Variants in DLEU7 observed in about 807,000 individuals in gnomAD.
The protein encoded by DLEU7 is deleted in lymphocytic leukemia 7, also known as leukemia-associated protein 7.
In DLEU7, 17 loss-of-function variants were observed where a neutral mutation model predicts 16.0. The observed-to-expected ratio is 1.06, with a 90% CI of 0.73 to 1.59. The LOEUF (loss-of-function observed/expected upper bound fraction) is 1.59, where lower values mean the gene tolerates loss of function less well. DLEU7 is among the 40% of genes most tolerant of loss of function. DLEU7 has a pLI of 0.00. For missense variants in DLEU7, 308 were observed against 314.9 expected (o/e 0.98, Z 0.17); for synonymous variants, 113 against 139.8 (o/e 0.81, Z 1.35).
intron 1 of DLEU7, among the ~76,000 whole-genome samples, chr13:50,728,893 C>T (rs1252422801): frequency 6.6e-6 from 1 of 152,068 alleles, no homozygotes; most frequent in East Asian, 1.9e-4. Flanking sequence ...ATTCCTTTAC[C>T]ACTGTCTCCC....
chr13:50,739,259 C>T (rs1028314849), intron 1 of DLEU7, among the ~76,000 whole-genome samples: 7 of 152,160 alleles, frequency 4.6e-5, no homozygotes, highest in African/African-American at 1.7e-4. Context: ...CAGAACACAA[C>T]TGTTACTATA....
chr13:50,773,200 G>A (rs1046551965), intron 1 of DLEU7, among the ~76,000 whole-genome samples: 1 of 152,094 alleles, frequency 6.6e-6, no homozygotes, highest in African/African-American at 2.4e-5. Context: ...GCTTCCTTGC[G>A]ATGGGTTCAG....
At chr13:50,727,787 C>A (rs1314702734) in intron 1 of DLEU7, among the ~76,000 whole-genome samples, 1 of 152,220 alleles carries the variant, frequency 6.6e-6, no homozygotes, top group African/African-American at 2.4e-5. Context: ...TCAAGATGTG[C>A]AGAGCTGCAC....
intron 1 of DLEU7, among the ~76,000 whole-genome samples, chr13:50,803,079 A>G (rs1380431348): frequency 6.6e-6 from 1 of 152,224 alleles, no homozygotes; most frequent in Non-Finnish European, 1.5e-5. Context: ...TCATTGGTAC[A>G]TAAATCATTT....
chr13:50,757,554 C>T (rs10507566), intron 1 of DLEU7, among the ~76,000 whole-genome samples: 533 of 152,260 alleles, frequency 3.5e-3, no homozygotes, highest in Non-Finnish European at 6.3e-3. Flanking sequence ...TTTGTAAACT[C>T]GAGCGCTCAC....
chr13:50,757,049 T>G (rs1430307360), intron 1 of DLEU7, among the ~76,000 whole-genome samples: 1 of 152,170 alleles, frequency 6.6e-6, no homozygotes, highest in Non-Finnish European at 1.5e-5. Context: ...ACTTCTGCAG[T>G]TTGGGCACTC....
At chr13:50,727,493 C>T (rs565419958) in intron 1 of DLEU7, among the ~76,000 whole-genome samples, 2 of 152,240 alleles carry the variant, frequency 1.3e-5, no homozygotes, top group East Asian at 1.9e-4. Context: ...TCTTTGCCAC[C>T]GAGTTGTTCA....
exon 2 of DLEU7, chr13:50,713,140 T>C: frequency 3.9e-6 from 6 of 1,547,250 alleles, no homozygotes; most frequent in Non-Finnish European, 5.3e-6. Context: ...TCTCATCCCA[T>C]CTGGCATTCA....
chr13:50,721,201 A>G (rs901986161), intron 1 of DLEU7, among the ~76,000 whole-genome samples: 1 of 152,216 alleles, frequency 6.6e-6, no homozygotes, highest in Non-Finnish European at 1.5e-5. Context: ...TCAGACTCCA[A>G]GTTCTTCAGC....
chr13:50,762,981 A>G (rs1274090269), intron 1 of DLEU7, among the ~76,000 whole-genome samples: 1 of 152,128 alleles, frequency 6.6e-6, no homozygotes, highest in African/African-American at 2.4e-5. Context: ...CTGCAGACCC[A>G]CAAGTGCATA....
chr13:50,794,746 G>A (rs572999015), intron 1 of DLEU7, among the ~76,000 whole-genome samples: 1 of 152,150 alleles, frequency 6.6e-6, no homozygotes, highest in South Asian at 2.1e-4. Context: ...TTTAACTGAG[G>A]CTCAAATGAT....
chr13:50,837,698 CTTG>C (rs2137815733), intron 1 of DLEU7, among the ~76,000 whole-genome samples: 1 of 152,258 alleles, frequency 6.6e-6, no homozygotes, highest in East Asian at 1.9e-4. Context: ...GCTGGCTTCA[CTTG>C]TTCAGAGGAA....
chr13:50,715,334 C>G (rs1873411604), intron 1 of DLEU7: 1 of 152,174 alleles, frequency 6.6e-6, no homozygotes, highest in African/African-American at 2.4e-5. Flanking sequence ...TCCCTGTTGC[C>G]GTGTAATGTA....
At chr13:50,817,925 G>C (rs535836912), downstream of DLEU7, among the ~76,000 whole-genome samples, 7 of 152,170 alleles carry the variant, frequency 4.6e-5, no homozygotes, top group South Asian at 1.5e-3. Flanking sequence ...GGGGACAAGT[G>C]CCATCTTGTC....
At chr13:50,791,761 T>C (rs907121017) in intron 1 of DLEU7, among the ~76,000 whole-genome samples, 11 of 152,186 alleles carry the variant, frequency 7.2e-5, no homozygotes, top group Non-Finnish European at 1.5e-4. Context: ...AATGACAATT[T>C]TAAAGATCTG....
chr13:50,834,155 C>CA (rs919616724), intron 1 of DLEU7, among the ~76,000 whole-genome samples: 8 of 114,342 alleles, frequency 7.0e-5, no homozygotes, highest in South Asian at 2.5e-4. Flanking sequence ...CTAAAACACA[C>CA]AAAAAAAATG....
chr13:50,795,793 G>T (rs1235091348), intron 1 of DLEU7, among the ~76,000 whole-genome samples: 2 of 152,014 alleles, frequency 1.3e-5, no homozygotes, highest in Non-Finnish European at 2.9e-5. Context: ...TTGAGATTAG[G>T]TACATAAACT....
At chr13:50,767,470 A>C (rs1267668183) in intron 1 of DLEU7, among the ~76,000 whole-genome samples, 1 of 151,588 alleles carries the variant, frequency 6.6e-6, no homozygotes, top group Non-Finnish European at 1.5e-5. Context: ...AAAAAAAAAA[A>C]AAAAAAAACT....
chr13:50,832,297 T>C (rs560005727), intron 1 of DLEU7, among the ~76,000 whole-genome samples: 2 of 152,198 alleles, frequency 1.3e-5, no homozygotes, highest in Non-Finnish European at 2.9e-5. Flanking sequence ...TATTCTCTGA[T>C]GGTAGTTTGT....
Sources: allele counts gnomAD v4.1 joint callset (sites outside exome capture counted in the v4.1 genomes callset), GRCh38; gene constraint gnomAD v4.1.1; transcripts MANE v1.5; gene names NCBI Gene and HGNC (gene_info 2026-07-23, HGNC 2026-07-21).